Variants in PLEKHA5 observed in about 807,000 individuals in gnomAD.
PLEKHA5 encodes the protein pleckstrin homology domain-containing family A member 5.
In PLEKHA5, 55 loss-of-function variants were observed where a neutral mutation model predicts 181.9. The ratio of observed to expected loss-of-function variants is 0.30; its 90% CI spans 0.24 to 0.38. PLEKHA5 has a LOEUF of 0.38. Ranked by LOEUF, PLEKHA5 falls within the 10% of genes least tolerant of loss-of-function variation. The pLI is 1.00. For synonymous variants in PLEKHA5, 535 were observed against 529.4 expected, an observed-to-expected ratio of 1.01 and a Z score of -0.15; for missense variants, 1,432 against 1,549.5, an observed-to-expected ratio of 0.92 and a Z score of 1.27.
At chr12:19,304,021 C>G (rs2082384656) in intron 15 of PLEKHA5, among the ~76,000 whole-genome samples, 1 of 151,334 alleles carries the variant, frequency 6.6e-6, no homozygotes, top group South Asian at 2.1e-4. Flanking sequence ...GTTGCCCATG[C>G]TGGTCTTGAA....
At chr12:19,305,642 T>A (rs1433798265) in intron 15 of PLEKHA5, among the ~76,000 whole-genome samples, 1 of 151,358 alleles carries the variant, frequency 6.6e-6, no homozygotes, top group Non-Finnish European at 1.5e-5. Context: ...ACGAATCACC[T>A]GAGATCAGGA....
intron 26 of PLEKHA5, among the ~76,000 whole-genome samples, chr12:19,357,886 C>A (rs1348594185): frequency 6.6e-6 from 1 of 151,982 alleles, no homozygotes; most frequent in Non-Finnish European, 1.5e-5. Flanking sequence ...GTAATCCACC[C>A]ACCTCAGGGT....
chr12:19,340,763 T>C (rs963828017), intron 21 of PLEKHA5, among the ~76,000 whole-genome samples: 42 of 147,870 alleles, frequency 2.8e-4, no homozygotes, highest in African/African-American at 1.0e-3. Flanking sequence ...AGCATGCTCG[T>C]TAAGAGTCAT....
chr12:19,371,997 G>A (rs2095589385), intron 31 of PLEKHA5: 1 of 151,988 alleles, frequency 6.6e-6, no homozygotes, highest in South Asian at 2.1e-4. Context: ...TTTAAATTAT[G>A]GCCATTCTTT....
intron 3 of PLEKHA5, among the ~76,000 whole-genome samples, chr12:19,138,151 T>G (rs2036220932): frequency 6.6e-6 from 1 of 152,200 alleles, no homozygotes; most frequent in African/African-American, 2.4e-5. Flanking sequence ...GGATGGAATT[T>G]CTTTGAATTT....
At position 19,156,858 on chromosome 12, in the gene PLEKHA5, A is replaced by G. The variant is rs529836391; in HGVS notation, c.227+24408A>G. On this transcript the variant is annotated intron_variant, in intron 3 of 31. Transcript: ENST00000429027. The stretch of plus-strand genomic sequence containing the variant: ...TCAGGAGTTAGAGACCAGCCTGGCC[A>G]ACATGGTAAAAACAAATCTCTACTA... 1.6e-3 allele frequency among the ~76,000 whole-genome samples: 234 copies of G among 150,712 alleles called. 1 individual carries two copies. The highest frequency in any genetic ancestry group is 3.4e-3 in the Middle Eastern group (1 of 294).
intron 29 of PLEKHA5, among the ~76,000 whole-genome samples, chr12:19,365,380 A>T (rs913592001): frequency 5.3e-5 from 8 of 152,062 alleles, no homozygotes; most frequent in Admixed American, 4.6e-4. Context: ...AAAAAAAAAA[A>T]AATCTTATAA....
intron 11 of PLEKHA5, 30 bp from the exon 12 acceptor site, chr12:19,283,250 G>T (rs1258531806): frequency 1.4e-6 from 2 of 1,421,214 alleles, no homozygotes; most frequent in South Asian, 1.3e-5. Context: ...CCTCCTTCAT[G>T]TTTACATTTT....
chr12:19,353,524 A>G (rs983021914), intron 25 of PLEKHA5, among the ~76,000 whole-genome samples: 6 of 150,756 alleles, frequency 4.0e-5, no homozygotes, highest in African/African-American at 1.5e-4. Flanking sequence ...CAATGGTGCG[A>G]TCTCGGTTTA....
intron 3 of PLEKHA5, among the ~76,000 whole-genome samples, chr12:19,213,578 A>C (rs1189464767): frequency 6.6e-6 from 1 of 152,146 alleles, no homozygotes; most frequent in Non-Finnish European, 1.5e-5. Context: ...GAACAGGACA[A>C]ATTGCATATT....
At chr12:19,190,641 G>A (rs1349607527) in intron 3 of PLEKHA5, among the ~76,000 whole-genome samples, 1 of 152,220 alleles carries the variant, frequency 6.6e-6, no homozygotes, top group Non-Finnish European at 1.5e-5. Flanking sequence ...AACTGAAGAT[G>A]ATTCATTTAG....
intron 13 of PLEKHA5, 47 bp from the exon 14 acceptor site, chr12:19,290,630 A>G: frequency 6.7e-7 from 1 of 1,488,242 alleles, no homozygotes. Flanking sequence ...TAAGACAACA[A>G]TTAATCTGTT....
At chr12:19,295,956 G>A (rs2079648937) in intron 15 of PLEKHA5, among the ~76,000 whole-genome samples, 1 of 152,204 alleles carries the variant, frequency 6.6e-6, no homozygotes, top group South Asian at 2.1e-4. Flanking sequence ...CAGTGGCTGG[G>A]CACAGTGGCT....
chr12:19,180,737 G>A (rs2048337010), intron 3 of PLEKHA5, among the ~76,000 whole-genome samples: 1 of 151,248 alleles, frequency 6.6e-6, no homozygotes, highest in Non-Finnish European at 1.5e-5. Context: ...AAACTGAATT[G>A]TTTGTTATAG....
intron 11 of PLEKHA5, among the ~76,000 whole-genome samples, chr12:19,279,051 C>G (rs1232727041): frequency 6.6e-6 from 1 of 152,066 alleles, no homozygotes; most frequent in Non-Finnish European, 1.5e-5. Context: ...AAATCATCTT[C>G]TAGATGAGAA....
At chr12:19,307,121 A>T (rs879942957) in intron 15 of PLEKHA5, 96 of 880,780 alleles carry the variant, frequency 1.1e-4, no homozygotes, top group Admixed American at 3.6e-4. Context: ...CCCAAGTTGA[A>T]GCATGTAGCT....
chr12:19,334,983 G>GAAA (rs35656695), intron 20 of PLEKHA5, among the ~76,000 whole-genome samples: 1 of 49,962 alleles, frequency 2.0e-5, no homozygotes, highest in Admixed American at 3.5e-4. Flanking sequence ...TTTTTTTTAT[G>GAAA]AAAAAAAAAA....
chr12:19,245,429 A>G (rs904852246), intron 3 of PLEKHA5, among the ~76,000 whole-genome samples: 4 of 152,260 alleles, frequency 2.6e-5, no homozygotes, highest in Non-Finnish European at 5.9e-5. Flanking sequence ...TGAATTGGAC[A>G]TAGAATCTCA....
chr12:19,200,227 A>T (rs1044054437), intron 3 of PLEKHA5: 2 of 809,142 alleles, frequency 2.5e-6, no homozygotes, highest in Non-Finnish European at 3.9e-6. Flanking sequence ...GCAGCAACAA[A>T]AGTATCACCC....
Sources: allele counts gnomAD v4.1 joint callset (sites outside exome capture counted in the v4.1 genomes callset), GRCh38; gene constraint gnomAD v4.1.1; transcripts MANE v1.5; gene names NCBI Gene and HGNC (gene_info 2026-07-23, HGNC 2026-07-21).